The following PPP1R9A variants were observed in gnomAD, a reference collection of about 807,000 sequenced individuals.
The protein encoded by PPP1R9A is neurabin-1.
A neutral mutation model predicts 141.9 loss-of-function variants in PPP1R9A; 59 were observed. That is an observed-to-expected ratio of 0.42 (90% CI 0.34 to 0.52). The LOEUF is 0.52. Among genes scored for constraint, PPP1R9A ranks in the 20% least tolerant of loss-of-function variants. The pLI, the probability that PPP1R9A is intolerant of heterozygous loss-of-function variation, is 0.10. For synonymous variants in PPP1R9A, 500 were observed against 569.7 expected (o/e 0.88, Z 1.74); for missense variants, 1,444 against 1,611.9 (o/e 0.90, Z 1.78).
chr7:94,953,389 G>C (rs535582894), intron 2 of PPP1R9A, among the ~76,000 whole-genome samples: 1 of 152,146 alleles, frequency 6.6e-6, no homozygotes, highest in African/African-American at 2.4e-5. Context: ...AAGTCAGGTA[G>C]CATGATGCCT....
intron 2 of PPP1R9A, among the ~76,000 whole-genome samples, chr7:95,037,477 T>C (rs550464066): frequency 8.0e-4 from 122 of 152,168 alleles, no homozygotes; most frequent in Non-Finnish European, 9.3e-4. Flanking sequence ...AAAAGTGATT[T>C]CATATCTATT....
intron 2 of PPP1R9A, among the ~76,000 whole-genome samples, chr7:94,984,117 A>G (rs865927281): frequency 6.6e-6 from 1 of 152,180 alleles, no homozygotes. Context: ...GGTTCTGTTT[A>G]CATGCTGGAT....
At chr7:94,911,559 G>A (rs777525961) in intron 2 of PPP1R9A, 51 bp downstream of exon 2, 1 of 1,405,818 alleles carries the variant, frequency 7.1e-7, no homozygotes, top group Admixed American at 1.9e-5. Flanking sequence ...TAGTACTAGG[G>A]CCTAATTGTA....
chr7:94,939,374 A>G (rs1206210700), intron 2 of PPP1R9A, among the ~76,000 whole-genome samples: 2 of 152,186 alleles, frequency 1.3e-5, no homozygotes, highest in East Asian at 1.9e-4. Context: ...TGAGTCTACA[A>G]TAACTACTTG....
At chr7:95,175,689 C>T (rs987788723) in intron 5 of PPP1R9A, among the ~76,000 whole-genome samples, 2 of 151,958 alleles carry the variant, frequency 1.3e-5, no homozygotes, top group African/African-American at 4.8e-5. Flanking sequence ...TATATGTTTG[C>T]TCTTCAGTGT....
chr7:95,231,288 A>G (rs1795892987), intron 8 of PPP1R9A, among the ~76,000 whole-genome samples: 1 of 152,174 alleles, frequency 6.6e-6, no homozygotes, highest in Non-Finnish European at 1.5e-5. Context: ...TGGCAACACA[A>G]TAATAGTGGG....
chr7:94,960,481 G>T (rs531230824), intron 2 of PPP1R9A, among the ~76,000 whole-genome samples: 121 of 151,588 alleles, frequency 8.0e-4, no homozygotes, highest in Middle Eastern at 3.4e-3. Context: ...TTTCAGTTGA[G>T]GTCAAAATAA....
intron 2 of PPP1R9A, among the ~76,000 whole-genome samples, chr7:95,041,480 A>T (rs1584405463): frequency 6.6e-6 from 1 of 151,510 alleles, no homozygotes; most frequent in East Asian, 2.0e-4. Context: ...AGATTGTTTG[A>T]CAAATTTAAG....
At chr7:95,286,184 T>C in intron 17 of PPP1R9A, 22 bp from the exon 18 acceptor site, 1 of 1,611,064 alleles carries the variant, frequency 6.2e-7, no homozygotes, top group East Asian at 2.2e-5. Flanking sequence ...CATTTAACAC[T>C]GAGCTTCATT....
chr7:95,023,179 A>AT (rs1277693726), intron 2 of PPP1R9A, among the ~76,000 whole-genome samples: 2 of 152,242 alleles, frequency 1.3e-5, no homozygotes, highest in East Asian at 3.9e-4. Flanking sequence ...CTATTCAGTG[A>AT]TTCGAATTCT....
intron 16 of PPP1R9A, among the ~76,000 whole-genome samples, chr7:95,280,970 A>C (rs1037912811): frequency 6.6e-6 from 1 of 152,206 alleles, no homozygotes. Context: ...TTCTGCTTCT[A>C]TTGTGGGCCC....
At chr7:95,171,115 CATAATT>C (rs1832044742) in intron 5 of PPP1R9A, among the ~76,000 whole-genome samples, 1 of 151,178 alleles carries the variant, frequency 6.6e-6, no homozygotes, top group Non-Finnish European at 1.5e-5. Flanking sequence ...AAGGATAAAA[CATAATT>C]ATAAAAGTAC....
chr7:94,953,147 A>C (rs1192329241), intron 2 of PPP1R9A, among the ~76,000 whole-genome samples: 1 of 152,028 alleles, frequency 6.6e-6, no homozygotes, highest in Admixed American at 6.6e-5. Context: ...TGGTGTAAGG[A>C]AGGGGTTCAG....
intron 5 of PPP1R9A, among the ~76,000 whole-genome samples, chr7:95,184,163 G>A (rs1384671437): frequency 1.3e-5 from 2 of 152,044 alleles, no homozygotes; most frequent in Non-Finnish European, 2.9e-5. Flanking sequence ...CATGCTCATC[G>A]AAATCAAGTT....
chr7:95,069,608 G>C (rs1813475995), intron 2 of PPP1R9A, among the ~76,000 whole-genome samples: 1 of 151,998 alleles, frequency 6.6e-6, no homozygotes, highest in Admixed American at 6.6e-5. Context: ...GCAGTTACTT[G>C]CTCCCCAGTC....
intron 2 of PPP1R9A, among the ~76,000 whole-genome samples, chr7:95,025,383 A>T (rs988181729): frequency 6.6e-6 from 1 of 152,074 alleles, no homozygotes; most frequent in African/African-American, 2.4e-5. Context: ...TTTCTTTAAG[A>T]ATGTTGAATA....
intron 2 of PPP1R9A, among the ~76,000 whole-genome samples, chr7:95,004,962 G>A (rs1218049823): frequency 6.6e-6 from 1 of 152,104 alleles, no homozygotes; most frequent in East Asian, 1.9e-4. Context: ...TTTTTCTCTT[G>A]CTGACTTGAG....
chr7:95,090,027 A>C (rs1474343466), intron 2 of PPP1R9A, among the ~76,000 whole-genome samples: 1 of 151,942 alleles, frequency 6.6e-6, no homozygotes, highest in Non-Finnish European at 1.5e-5. Context: ...CTTTCCTATA[A>C]CATAGTCTGA....
At chr7:94,996,799 G>GTTTTTTT (rs34164253) in intron 2 of PPP1R9A, among the ~76,000 whole-genome samples, 2 of 111,632 alleles carry the variant, frequency 1.8e-5, no homozygotes, top group African/African-American at 3.5e-5. Context: ...GATACTCTGT[G>GTTTTTTT]TTTTTTTTTT....
Sources: allele counts gnomAD v4.1 joint callset (sites outside exome capture counted in the v4.1 genomes callset), GRCh38; gene constraint gnomAD v4.1.1; transcripts MANE v1.5; gene names NCBI Gene and HGNC (gene_info 2026-07-23, HGNC 2026-07-21).